KLHL20: variants seen among roughly 807,000 people sequenced by gnomAD.
KLHL20 encodes the protein kelch like family member 20.
KLHL20 carries 29 observed loss-of-function variants against 69.5 expected under a neutral mutation model. The ratio of observed to expected loss-of-function variants is 0.42; its 90% CI spans 0.31 to 0.57. The LOEUF (loss-of-function observed/expected upper bound fraction) is 0.57. KLHL20 is among the 20% of genes least tolerant of loss of function. KLHL20 has a pLI of 0.18. For missense variants in KLHL20, 419 were observed against 776.0 expected (o/e 0.54, Z 5.47); for synonymous variants, 253 against 265.2 (o/e 0.95, Z 0.45).
intron 2 of KLHL20, among the ~76,000 whole-genome samples, chr1:173,728,955 G>C (rs1672115733): frequency 6.6e-6 from 1 of 152,112 alleles, no homozygotes. Context: ...TTTTTGAAAA[G>C]ATCAACAAAA....
At chr1:173,740,758 C>A (rs1195080312) in intron 3 of KLHL20, among the ~76,000 whole-genome samples, 1 of 151,928 alleles carries the variant, frequency 6.6e-6, no homozygotes, top group African/African-American at 2.4e-5. Context: ...GACTTTCAGG[C>A]CTTGCCCCTC....
Position 173,755,536 on chromosome 1 carries a change from A to G in KLHL20, c.852-387A>G, listed in dbSNP as rs145945127. Among the ~76,000 whole-genome samples the G allele has an allele frequency of 2.4e-3, 371 of 152,302 alleles. 1 individual carries two copies. Among genetic ancestry groups the G allele is most frequent in the African/African-American group, 8.6e-3 (359 of 41,556 alleles). On this transcript the variant is annotated intron_variant, in intron 5 of 11. Coordinates refer to ENST00000209884, the MANE Select transcript of KLHL20 (RefSeq NM_014458.4). ...CAGTTTTATTACTTTAATCTAGCAAATAACTATTGCCCTGGCTGATGTGCT... is the reference window on the plus strand; with the variant it reads ...CAGTTTTATTACTTTAATCTAGCAAGTAACTATTGCCCTGGCTGATGTGCT...
At chr1:173,774,222 A>G in intron 8 of KLHL20, 83 bp from the exon 9 acceptor site, 11 of 1,519,272 alleles carry the variant, frequency 7.2e-6, no homozygotes, top group Non-Finnish European at 1.0e-5. Flanking sequence ...TGTACTCAGT[A>G]TATCGTTAGT....
chr1:173,729,280 A>G (rs1424685361), intron 2 of KLHL20, among the ~76,000 whole-genome samples: 1 of 152,208 alleles, frequency 6.6e-6, no homozygotes, highest in Non-Finnish European at 1.5e-5. Context: ...TCACAGCCGA[A>G]TTCTACCAGA....
rs758897062 is a variant in KLHL20 at position 173,733,984 on chromosome 1, G to A, written c.295G>A (p.Gly99Arg). The change falls in exon 3 of 12, where the codon GGA becomes AGA. Residue 99 changes from glycine to arginine, a missense_variant. Gly to Arg is a moderately radical substitution (Grantham distance 125, BLOSUM62 -2). Transcript: ENST00000209884. The part of the protein sequence containing the change: ...CSPYFRAMFT[G>R]ELAESRQTEV... ...TCCCTACTTCCGAGCTATGTTTACA[G>A]GAGAATTGGCAGAGAGCCGTCAGAC... The A allele has an allele frequency of 1.2e-6, 2 of 1,614,212 alleles. No homozygotes were observed. Among genetic ancestry groups the A allele is most frequent in the Middle Eastern group, 1.6e-4 (1 of 6,062 alleles).
At chr1:173,718,903 G>A (rs1671585666) in intron 2 of KLHL20, among the ~76,000 whole-genome samples, 1 of 151,862 alleles carries the variant, frequency 6.6e-6, no homozygotes, top group Non-Finnish European at 1.5e-5. Flanking sequence ...AGGAGATCGA[G>A]ACCATCTTGG....
chr1:173,752,422 A>G (rs748673044), intron 4 of KLHL20, among the ~76,000 whole-genome samples: 1 of 152,188 alleles, frequency 6.6e-6, no homozygotes, highest in Non-Finnish European at 1.5e-5. Context: ...CTTTCCCCGT[A>G]TTTTGGATCA....
Position 173,756,024 on chromosome 1 carries a change from A to G in KLHL20, c.953A>G (p.Glu318Gly). ...TRPRKPIRCGEVLFAVGGWCS... is the reference protein window; with the variant it reads ...TRPRKPIRCGGVLFAVGGWCS... ...CCACGGAAACCTATCCGATGTGGGG[A>G]AGTACTCTTTGCAGGTTTGGATCTT... Residue 318 changes from glutamate (E) to glycine (G), a missense_variant, in exon 6 of 12, where the codon GAA (glutamate) becomes GGA (glycine). Glu to Gly is a moderately conservative substitution (Grantham distance 98). Around this residue, in one of 6 missense-constraint regions of KLHL20, gnomAD observed 99 missense variants for 240.7 expected, o/e 0.41. Transcript: ENST00000209884. The G allele has an allele frequency of 6.2e-7, 1 of 1,612,888 alleles. No individual in the cohort carries two copies. Among genetic ancestry groups the G allele is most frequent in the Non-Finnish European group, 8.5e-7 (1 of 1,179,004 alleles).
intron 2 of KLHL20, among the ~76,000 whole-genome samples, chr1:173,725,765 G>A (rs1329535642): frequency 6.6e-6 from 1 of 152,144 alleles, no homozygotes; most frequent in Non-Finnish European, 1.5e-5. Flanking sequence ...AACCAAAAAC[G>A]AGGAGCCAAG....
chr1:173,762,813 T>C lies in KLHL20; in HGVS notation c.1152-3333T>C, dbSNP rs12060568. On this transcript the variant is annotated intron_variant, in intron 7 of 11. Coordinates refer to ENST00000209884, the MANE Select transcript of KLHL20 (RefSeq NM_014458.4). ...GAAAGCATTCCCTGTGAGCATGGGG[T>C]AAAAGACAAGGATGCCCACTCTCAC... Among the ~76,000 whole-genome samples the C allele has an allele frequency of 1.1e-4, 17 of 151,900 alleles. No homozygotes were observed. The East Asian group carries it at 1.2e-3, about 10-fold the overall frequency.
chr1:173,777,954 C>T (rs1004449951), intron 10 of KLHL20, among the ~76,000 whole-genome samples: 1 of 152,092 alleles, frequency 6.6e-6, no homozygotes, highest in Non-Finnish European at 1.5e-5. Flanking sequence ...TTACCTCTTC[C>T]TCTATGTTTG....
chr1:173,727,972 C>G (rs1248095774), intron 2 of KLHL20, among the ~76,000 whole-genome samples: 1 of 152,054 alleles, frequency 6.6e-6, no homozygotes, highest in Non-Finnish European at 1.5e-5. Context: ...GATAAAGAGT[C>G]AAGACCTATC....
At chr1:173,764,364 C>A (rs1019323186) in intron 7 of KLHL20, among the ~76,000 whole-genome samples, 2 of 152,132 alleles carry the variant, frequency 1.3e-5, no homozygotes, top group African/African-American at 4.8e-5. Context: ...TCCAGTAATC[C>A]CACTACTGGG....
rs749150137 is a variant in KLHL20 at position 173,762,241 on chromosome 1, C to CA, written c.1152-3896dup. On this transcript the variant is annotated intron_variant, in intron 7 of 11. Coordinates refer to ENST00000209884, the MANE Select transcript of KLHL20 (RefSeq NM_014458.4). Reference sequence around the variant, plus strand: ...TGAAGTGGTAATTTAAAAATTACAACAAAAAAAAAGTCCAGGACCAGACGG... The same window carrying CA: ...TGAAGTGGTAATTTAAAAATTACAACAAAAAAAAAAGTCCAGGACCAGACGG... Among the ~76,000 whole-genome samples the CA allele has an allele frequency of 5.4e-3, 814 of 150,280 alleles. 5 individuals are homozygous for CA. Among genetic ancestry groups the CA allele is most frequent in the African/African-American group, 0.016 (644 of 41,070 alleles).
At chr1:173,730,565 A>G (rs1046641691) in intron 2 of KLHL20, among the ~76,000 whole-genome samples, 9 of 152,106 alleles carry the variant, frequency 5.9e-5, no homozygotes, top group Admixed American at 3.9e-4. Context: ...AAATAATGCC[A>G]CATATCTACA....
At chr1:173,758,363 G>A (rs911266667) in intron 7 of KLHL20, among the ~76,000 whole-genome samples, 4 of 152,150 alleles carry the variant, frequency 2.6e-5, no homozygotes, top group African/African-American at 9.7e-5. Flanking sequence ...TCACAGAAGG[G>A]ATCATGGCAG....
chr1:173,735,097 T>C (rs950430719), intron 3 of KLHL20, among the ~76,000 whole-genome samples: 8 of 152,058 alleles, frequency 5.3e-5, no homozygotes, highest in African/African-American at 1.7e-4. Flanking sequence ...TGTTACATAG[T>C]GATTACACAG....
chr1:173,724,687 C>T (rs1228973181), intron 2 of KLHL20, among the ~76,000 whole-genome samples: 1 of 152,074 alleles, frequency 6.6e-6, no homozygotes. Flanking sequence ...CACCTGTAGT[C>T]CCAGCTACTT....
intron 2 of KLHL20, among the ~76,000 whole-genome samples, chr1:173,723,049 G>A (rs191875240): frequency 6.6e-6 from 1 of 152,210 alleles, no homozygotes; most frequent in East Asian, 1.9e-4. Context: ...ATTGTACTTA[G>A]GTGAAATAAA....
Sources: allele counts gnomAD v4.1 joint callset (sites outside exome capture counted in the v4.1 genomes callset), GRCh38; gene constraint gnomAD v4.1.1; regional missense constraint gnomAD v4.1.1; transcripts MANE v1.5; gene names NCBI Gene and HGNC (gene_info 2026-07-23, HGNC 2026-07-21).